SLC41A3: variants seen among roughly 807,000 people sequenced by gnomAD.
SLC41A3 encodes solute carrier family 41 member 3.
In SLC41A3, 44 loss-of-function variants were observed where a neutral mutation model predicts 45.4. That is an observed-to-expected ratio of 0.97 (90% CI 0.76 to 1.25). SLC41A3 has a LOEUF of 1.25. Ranked by LOEUF, SLC41A3 falls within the 50% of genes most tolerant of loss-of-function variation. The probability of loss-of-function intolerance (pLI) is 0.00; values close to 1 mark genes in which losing one functional copy is unlikely to be tolerated. For synonymous variants in SLC41A3, 256 were observed against 252.4 expected (o/e 1.01, Z -0.13); for missense variants, 550 against 600.6 (o/e 0.92, Z 0.88).
chr3:126,037,932 C>T (rs13070943), intron 3 of SLC41A3, among the ~76,000 whole-genome samples: 34,855 of 152,204 alleles, frequency 0.23, 4,281 homozygotes, highest in Non-Finnish European at 0.27. Context: ...CTTCCCTACA[C>T]AGCCCTGGGA....
chr3:126,049,027 G>A (rs755842455), intron 3 of SLC41A3, among the ~76,000 whole-genome samples: 5 of 152,054 alleles, frequency 3.3e-5, no homozygotes, highest in Non-Finnish European at 7.4e-5. Flanking sequence ...ATGGCCAGGC[G>A]CGGTGGCTCA....
intron 4 of SLC41A3, among the ~76,000 whole-genome samples, chr3:126,028,177 A>C (rs1334313719): frequency 6.6e-6 from 1 of 152,238 alleles, no homozygotes. Context: ...AACAGCCAAG[A>C]CAATAGGAAA....
chr3:126,076,544 GT>G (rs1944887876), intron 1 of SLC41A3, among the ~76,000 whole-genome samples: 1 of 152,042 alleles, frequency 6.6e-6, no homozygotes, highest in Non-Finnish European at 1.5e-5. Flanking sequence ...GAATTTTATG[GT>G]ATGAACTTTA....
intron 6 of SLC41A3, among the ~76,000 whole-genome samples, chr3:126,019,139 G>A (rs1940600659): frequency 6.6e-6 from 1 of 152,212 alleles, no homozygotes; most frequent in Non-Finnish European, 1.5e-5. Context: ...TGGGGACTCT[G>A]CAGAGTCCGG....
At chr3:126,089,623 A>G (rs1417984661) in intron 1 of SLC41A3, among the ~76,000 whole-genome samples, 4 of 152,216 alleles carry the variant, frequency 2.6e-5, no homozygotes, top group African/African-American at 7.2e-5. Context: ...CCTCCACTTC[A>G]TATCGTTTGT....
intron 4 of SLC41A3, among the ~76,000 whole-genome samples, chr3:126,028,047 G>C (rs1001008000): frequency 6.6e-6 from 1 of 152,238 alleles, no homozygotes. Flanking sequence ...AGGGGAAGCA[G>C]AGAGTGAAAG....
chr3:126,096,180 C>G (rs1420447331), intron 1 of SLC41A3, among the ~76,000 whole-genome samples: 1 of 152,190 alleles, frequency 6.6e-6, no homozygotes, highest in Non-Finnish European at 1.5e-5. Context: ...AGATTAGCAG[C>G]TAGTAACCCA....
Position 126,006,702 on chromosome 3 carries a change from A to C in SLC41A3, c.*314T>G, listed in dbSNP as rs1476944403. The C allele has an allele frequency of 4.1e-6, 6 of 1,458,832 alleles. No individual in the cohort carries two copies. The Admixed American group carries it at 1.4e-4, about 35-fold the overall frequency. The allele number at this position is 1,458,832 out of a possible 1,614,324, so 90.4% of individuals were successfully genotyped here. A position where few individuals can be genotyped will look rare whatever the true frequency, so the allele number is the denominator to read the frequency against. On this transcript the variant is annotated 3_prime_UTR_variant, in exon 11 of 11. Transcript: ENST00000360370. ...ACACACCCTGCAAAGCATACTGGACATGCCTCTTCTTTACCTTCTCAGGCC... is the reference window on the plus strand; with the variant it reads ...ACACACCCTGCAAAGCATACTGGACCTGCCTCTTCTTTACCTTCTCAGGCC...
intron 1 of SLC41A3, among the ~76,000 whole-genome samples, chr3:126,078,178 C>A (rs1212837622): frequency 6.6e-6 from 1 of 152,204 alleles, no homozygotes; most frequent in African/African-American, 2.4e-5. Flanking sequence ...CTAGGCAAGG[C>A]CACTGCTGCA....
At chr3:126,048,626 A>G (rs1478821384) in intron 3 of SLC41A3, among the ~76,000 whole-genome samples, 1 of 152,218 alleles carries the variant, frequency 6.6e-6, no homozygotes, top group East Asian at 1.9e-4. Flanking sequence ...AATACACAGA[A>G]CAACATAAAT....
rs113023627 is a variant in SLC41A3, at chr3:126,029,376, A to C, written c.454-2897T>G. On this transcript the variant is annotated intron_variant, in intron 4 of 10. Coordinates refer to ENST00000360370, the MANE Select transcript of SLC41A3 (RefSeq NM_017836.4). ...AGAAGTATGTGGCACTCCCTCCCCC[A>C]CCACTCTCTTGCTCATTCTCTGGCC... 2.0e-4 allele frequency among the ~76,000 whole-genome samples: 27 copies of C among 133,688 alleles called. 1 individual carries two copies. The highest frequency in any genetic ancestry group is 4.2e-4 in the African/African-American group (15 of 35,772). 87.7% of individuals were successfully genotyped at this position (133,688 alleles called of 152,430 possible).
chr3:126,043,551 C>T (rs1262768126), intron 3 of SLC41A3, among the ~76,000 whole-genome samples: 2 of 151,708 alleles, frequency 1.3e-5, no homozygotes, highest in Admixed American at 6.6e-5. Context: ...ATTTAAAACA[C>T]AAAAGCATAA....
intron 3 of SLC41A3, among the ~76,000 whole-genome samples, chr3:126,044,895 CAAAAAAAAAAAAAA>C (rs57581225): frequency 1.2e-5 from 1 of 82,720 alleles, no homozygotes. Context: ...GACTCCATCT[CAAAAAAAAAAAAAA>C]AAAAAAAAAA....
intron 2 of SLC41A3, among the ~76,000 whole-genome samples, chr3:126,055,694 CAGAT>C (rs528525671): frequency 3.8e-4 from 58 of 152,262 alleles, no homozygotes; most frequent in African/African-American, 1.3e-3. Flanking sequence ...TTTCAGTTGA[CAGAT>C]AGCACAAACC....
upstream of SLC41A3, among the ~76,000 whole-genome samples, chr3:126,087,639 G>C (rs555174352): frequency 6.6e-6 from 1 of 152,094 alleles, no homozygotes; most frequent in Admixed American, 6.5e-5. Context: ...AAAGGAAAGT[G>C]ATACTATATA....
intron 4 of SLC41A3, 82 bp downstream of exon 4, chr3:126,033,525 G>T: frequency 6.8e-7 from 1 of 1,467,394 alleles, no homozygotes; most frequent in Non-Finnish European, 9.4e-7. Context: ...AGGGACAAGA[G>T]CTCGCTTAGC....
intron 6 of SLC41A3, among the ~76,000 whole-genome samples, chr3:126,019,611 C>T (rs1341272720): frequency 6.6e-6 from 1 of 152,122 alleles, no homozygotes; most frequent in East Asian, 1.9e-4. Flanking sequence ...CAGACATTCC[C>T]ATCCAAAAAG....
intron 3 of SLC41A3, among the ~76,000 whole-genome samples, chr3:126,038,872 C>T (rs372674271): frequency 3.3e-5 from 5 of 152,114 alleles, no homozygotes; most frequent in South Asian, 2.1e-4. Context: ...GGAGGTGGGG[C>T]CTGGTGGGAG....
intron 4 of SLC41A3, among the ~76,000 whole-genome samples, chr3:126,032,339 G>A (rs1342897434): frequency 6.6e-6 from 1 of 152,230 alleles, no homozygotes; most frequent in East Asian, 1.9e-4. Context: ...GGGAGGAGGA[G>A]GAGAAGCGGA....
Sources: gnomAD v4.1 joint callset for allele counts (sites outside exome capture counted in the v4.1 genomes callset) on GRCh38, gnomAD v4.1.1 for gene constraint, MANE v1.5 for transcripts, NCBI Gene and HGNC (gene_info 2026-07-23, HGNC 2026-07-21) for gene names.